Variants in BARX2 observed in about 807,000 individuals in gnomAD.
BARX2 encodes BARX homeobox 2, also known as homeobox protein BarH-like 2.
A neutral mutation model predicts 25.5 loss-of-function variants in BARX2; 11 were observed. The observed-to-expected ratio is 0.43, with a 90% CI of 0.27 to 0.71. The LOEUF is 0.71. Among genes scored for constraint, BARX2 ranks in the 30% least tolerant of loss-of-function variants. The pLI is 0.19. For missense variants in BARX2, 360 were observed against 359.9 expected (o/e 1.00, Z 0.00); for synonymous variants, 137 against 149.5 (o/e 0.92, Z 0.61).
chr11:129,399,561 C>T (rs1335625216), intron 1 of BARX2, among the ~76,000 whole-genome samples: 7 of 152,020 alleles, frequency 4.6e-5, no homozygotes, highest in Non-Finnish European at 7.4e-5. Context: ...TGGCTTTGCC[C>T]AGAAAAGAAT....
chr11:129,389,510 C>T (rs1326119747), intron 1 of BARX2, among the ~76,000 whole-genome samples: 7 of 152,006 alleles, frequency 4.6e-5, no homozygotes, highest in Non-Finnish European at 8.8e-5. Flanking sequence ...AAATGAGTGG[C>T]ACAAACAGGT....
rs1480327765 is a variant in BARX2, at chr11:129,390,475, C to T, written c.187+14253C>T. Among the ~76,000 whole-genome samples, 2 of 151,904 alleles carry T rather than the reference C, an allele frequency of 1.3e-5. No individual in the cohort carries two copies. The highest frequency in any genetic ancestry group is 4.8e-5 in the African/African-American group (2 of 41,318). Reference sequence around the variant, plus strand: ...TATTCAGCCTGTGGATTCAGAAAAACAAAATGCATATGTTTGTGTTCCAGT... The same window carrying T: ...TATTCAGCCTGTGGATTCAGAAAAATAAAATGCATATGTTTGTGTTCCAGT... On this transcript the variant is annotated intron_variant, in intron 1 of 3. Transcript: ENST00000281437. This position sits in a 1 kb window ranked among gnomAD's most constrained non-coding sequence, Gnocchi z 4.3.
intron 1 of BARX2, among the ~76,000 whole-genome samples, chr11:129,422,547 C>A (rs1315506255): frequency 2.0e-5 from 3 of 152,220 alleles, no homozygotes; most frequent in Non-Finnish European, 2.9e-5. Context: ...GATCCTCCTG[C>A]CTCAGCCTCC....
intron 1 of BARX2, among the ~76,000 whole-genome samples, chr11:129,432,017 C>G (rs1862135137): frequency 6.6e-6 from 1 of 151,332 alleles, no homozygotes; most frequent in African/African-American, 2.4e-5. Context: ...TTTTTTGCAT[C>G]TGGATGTCCA....
At chr11:129,441,909 G>A (rs985059703) in intron 2 of BARX2, among the ~76,000 whole-genome samples, 1 of 152,188 alleles carries the variant, frequency 6.6e-6, no homozygotes, top group African/African-American at 2.4e-5. Context: ...AAGACAGCAT[G>A]TCAGGGGCTT....
At chr11:129,410,759 T>C (rs1861878438) in intron 1 of BARX2, among the ~76,000 whole-genome samples, 1 of 152,170 alleles carries the variant, frequency 6.6e-6, no homozygotes, top group Non-Finnish European at 1.5e-5. Flanking sequence ...TGAAGATACA[T>C]GTCTGCTTCT....
At chr11:129,418,347 C>T (rs2135401971) in intron 1 of BARX2, among the ~76,000 whole-genome samples, 1 of 152,272 alleles carries the variant, frequency 6.6e-6, no homozygotes, top group South Asian at 2.1e-4. Context: ...GTTCTTTGGA[C>T]TTGGTAATGG....
At chr11:129,380,411 G>C (rs148702865) in intron 1 of BARX2, among the ~76,000 whole-genome samples, 1 of 152,098 alleles carries the variant, frequency 6.6e-6, no homozygotes, top group Non-Finnish European at 1.5e-5. Context: ...ATAGTGTCTC[G>C]TTTGGGAGTT....
At chr11:129,443,704 T>C (rs886181585) in intron 3 of BARX2, among the ~76,000 whole-genome samples, 1 of 152,190 alleles carries the variant, frequency 6.6e-6, no homozygotes, top group Admixed American at 6.5e-5. Context: ...ATCCCTACGT[T>C]GTGAGGAACT....
chr11:129,415,041 A>G (rs983914056), intron 1 of BARX2, among the ~76,000 whole-genome samples: 12 of 152,204 alleles, frequency 7.9e-5, no homozygotes, highest in African/African-American at 2.9e-4. Flanking sequence ...AATTTATTTC[A>G]CTTTTTATTT....
chr11:129,431,569 C>A (rs1209232833), intron 1 of BARX2, among the ~76,000 whole-genome samples: 1 of 152,176 alleles, frequency 6.6e-6, no homozygotes, highest in East Asian at 1.9e-4. Context: ...TGCTAATTTG[C>A]CATATGTAGA....
chr11:129,437,029 A>G lies in BARX2; in HGVS notation c.466A>G (p.Lys156Glu). The G allele has an allele frequency of 6.3e-7, 1 of 1,585,780 alleles. No homozygotes were observed. The highest frequency in any genetic ancestry group is 8.6e-7 in the Non-Finnish European group (1 of 1,162,168). ...CCTGGAGAAGAAATTCCAGAAGCAGAAGTATTTGTCAACCCCAGACAGGTG... is the reference window on the plus strand; with the variant it reads ...CCTGGAGAAGAAATTCCAGAAGCAGGAGTATTTGTCAACCCCAGACAGGTG... Reference protein sequence around the residue: ...MGLEKKFQKQKYLSTPDRLDL... With the variant: ...MGLEKKFQKQEYLSTPDRLDL... The change falls in exon 2 of 4, where the codon AAG becomes GAG. Residue 156 changes from lysine (K) to glutamate (E), a missense_variant. Lys to Glu is a moderately conservative substitution (Grantham distance 56, BLOSUM62 1). Around this residue, in one of 3 missense-constraint regions of BARX2, gnomAD observed 240 missense variants for 228.7 expected, o/e 1.05. Coordinates refer to ENST00000281437, the MANE Select transcript of BARX2 (RefSeq NM_003658.5).
Position 129,451,449 on chromosome 11 carries a change from G to C in BARX2, c.*47G>C. The stretch of plus-strand genomic sequence containing the variant: ...GAGGGAGACTGGGGAGAAGGGAAAA[G>C]AGAGAAGGCAGGGAGAGTAGGGAGA... On this transcript the variant is annotated 3_prime_UTR_variant, in exon 4 of 4. Transcript: ENST00000281437. 1 of 1,585,578 alleles carries C rather than the reference G, an allele frequency of 6.3e-7. No individual in the cohort carries two copies. Among genetic ancestry groups the C allele is most frequent in the South Asian group, 1.1e-5 (1 of 87,860 alleles).
chr11:129,398,557 G>A (rs916959106), intron 1 of BARX2, among the ~76,000 whole-genome samples: 3 of 152,220 alleles, frequency 2.0e-5, no homozygotes, highest in African/African-American at 7.2e-5. Flanking sequence ...ATTTGCTGAA[G>A]TAATTCTAAT....
At position 129,389,292 on chromosome 11, in the gene BARX2, ATTAAAC is replaced by A. The variant is rs1260051486; in HGVS notation, c.187+13075_187+13080del. Among the ~76,000 whole-genome samples the A allele has an allele frequency of 2.6e-5, 4 of 152,344 alleles. 1 individual carries two copies. In the South Asian group the frequency reaches 8.3e-4, roughly 32 times the overall value. On this transcript the variant is annotated intron_variant, in intron 1 of 3. Transcript: ENST00000281437. ...AGGGAAAGATTACCATTATTGGTGA[ATTAAAC>A]TTAAGAAAAATTTAAATCTTGAAAA... is the stretch of plus-strand genomic sequence containing the variant.
intron 1 of BARX2, among the ~76,000 whole-genome samples, chr11:129,397,321 A>G (rs1861730706): frequency 6.6e-6 from 1 of 152,066 alleles, no homozygotes; most frequent in Admixed American, 6.6e-5. Context: ...GTGCTAAGAA[A>G]CTGAAGTAAT....
At chr11:129,427,850 A>G (rs1467299955) in intron 1 of BARX2, among the ~76,000 whole-genome samples, 6 of 152,218 alleles carry the variant, frequency 3.9e-5, no homozygotes, top group Non-Finnish European at 8.8e-5. Context: ...GCATGTTCAC[A>G]TGCACGAGTT....
At chr11:129,438,499 A>G (rs967074314) in intron 2 of BARX2, among the ~76,000 whole-genome samples, 1 of 152,176 alleles carries the variant, frequency 6.6e-6, no homozygotes, top group African/African-American at 2.4e-5. Flanking sequence ...CACCAGTCCT[A>G]TCAAAAAGTA....
chr11:129,406,370 G>A (rs1302120946), intron 1 of BARX2, among the ~76,000 whole-genome samples: 1 of 152,232 alleles, frequency 6.6e-6, no homozygotes, highest in African/African-American at 2.4e-5. Flanking sequence ...GGTAGTAGCA[G>A]AGTCTAAACA....
Sources: allele counts gnomAD v4.1 joint callset (sites outside exome capture counted in the v4.1 genomes callset), GRCh38; gene constraint gnomAD v4.1.1; regional missense constraint gnomAD v4.1.1; non-coding constraint Gnocchi (gnomAD v3.1); transcripts MANE v1.5; gene names NCBI Gene and HGNC (gene_info 2026-07-23, HGNC 2026-07-21).